Variants in QRICH1 observed in about 807,000 individuals in gnomAD.
The protein encoded by QRICH1 is glutamine rich 1.
In QRICH1, 16 loss-of-function variants were observed where a neutral mutation model predicts 87.1. The ratio of observed to expected loss-of-function variants is 0.18; its 90% CI spans 0.12 to 0.28. The LOEUF (loss-of-function observed/expected upper bound fraction) is 0.28. Among genes scored for constraint, QRICH1 ranks in the 10% least tolerant of loss-of-function variants. The pLI is 1.00. For synonymous variants in QRICH1, 367 were observed against 368.4 expected (o/e 1.00, Z 0.05); for missense variants, 647 against 951.7 (o/e 0.68, Z 4.21).
intron 2 of QRICH1, among the ~76,000 whole-genome samples, chr3:49,063,894 G>C (rs1161348818): frequency 2.0e-5 from 3 of 152,004 alleles, no homozygotes; most frequent in African/African-American, 7.2e-5. Flanking sequence ...ATTAAAACTA[G>C]GAATTTAATT....
At position 49,030,585 on chromosome 3, in the gene QRICH1, G is replaced by A; in HGVS notation, c.2198C>T (p.Ala733Val). 1 of 1,611,806 alleles carries A rather than the reference G, an allele frequency of 6.2e-7. No individual in the cohort carries two copies. Among genetic ancestry groups the A allele is most frequent in the Non-Finnish European group, 8.5e-7 (1 of 1,178,618 alleles). Reference protein sequence around the residue: ...TFYLTPEPVVAPNSPIWYSVQ... With the variant: ...TFYLTPEPVVVPNSPIWYSVQ... ...TGAGTACCAGATTGGGCTGTTGGGGGCCACCACTGGCTCAGGTGTCAGGTA... is the reference window on the plus strand; with the variant it reads ...TGAGTACCAGATTGGGCTGTTGGGGACCACCACTGGCTCAGGTGTCAGGTA... Residue 733 changes from alanine to valine, a missense_variant, in exon 10 of 10, where the codon GCC (alanine) becomes GTC (valine). Around this residue, in one of 7 missense-constraint regions of QRICH1, gnomAD observed 56 missense variants for 79.4 expected, o/e 0.71. Coordinates refer to ENST00000395443, the MANE Select transcript of QRICH1 (RefSeq NM_198880.3).
intron 2 of QRICH1, among the ~76,000 whole-genome samples, chr3:49,068,278 G>A (rs181801131): frequency 2.6e-5 from 4 of 151,918 alleles, no homozygotes; most frequent in Admixed American, 1.3e-4. Flanking sequence ...GATCAATTGC[G>A]CCCAGGAGTT....
chr3:49,064,224 G>A (rs2093452847), intron 2 of QRICH1, among the ~76,000 whole-genome samples: 1 of 147,988 alleles, frequency 6.8e-6, no homozygotes, highest in South Asian at 2.1e-4. Context: ...AGCCACCATG[G>A]CTGGCCCTAA....
At chr3:49,060,334 C>A (rs767772572) in intron 2 of QRICH1, among the ~76,000 whole-genome samples, 121 of 151,904 alleles carry the variant, frequency 8.0e-4, no homozygotes, top group Non-Finnish European at 1.3e-3. Context: ...GCTGGGACCA[C>A]AGGCACCCGC....
chr3:49,081,646 G>A (rs1344771643), intron 1 of QRICH1, among the ~76,000 whole-genome samples: 4 of 152,104 alleles, frequency 2.6e-5, no homozygotes, highest in African/African-American at 2.4e-5. Flanking sequence ...GACTACAGGC[G>A]TGTACCATCA....
At chr3:49,064,056 G>GCCAC (rs2093451592) in intron 2 of QRICH1, among the ~76,000 whole-genome samples, 1 of 151,410 alleles carries the variant, frequency 6.6e-6, no homozygotes, top group East Asian at 1.9e-4. Context: ...ACAGGCATGC[G>GCCAC]CCACCATGCC....
chr3:49,032,686 G>A lies in QRICH1; in HGVS notation c.1983C>T (p.Pro661=), dbSNP rs1183105216. 1 of 1,612,676 alleles carries A rather than the reference G, an allele frequency of 6.2e-7. No individual in the cohort carries two copies. Among genetic ancestry groups the A allele is most frequent in the Non-Finnish European group, 8.5e-7 (1 of 1,179,362 alleles). The change falls in exon 8 of 10, where the codon CCC becomes CCT. Residue 661 remains proline (P), a synonymous_variant. Transcript: ENST00000395443. ...LRQTKKNPSN[P]KDKSTSIRYL... is the part of the protein sequence containing the mutation. ...ACCGGATACTCGTGCTTTTATCCTT[G>A]GGATTAGAGGGGTTCTTCTTTGTCT... is the stretch of plus-strand genomic sequence containing the variant.
chr3:49,043,968 T>C (rs1407443252), intron 6 of QRICH1, among the ~76,000 whole-genome samples: 2 of 152,200 alleles, frequency 1.3e-5, no homozygotes, highest in Non-Finnish European at 2.9e-5. Flanking sequence ...ACCAAGACCA[T>C]GTTTTTTTAA....
intron 1 of QRICH1, among the ~76,000 whole-genome samples, chr3:49,087,351 A>C (rs913112943): frequency 1.3e-5 from 2 of 151,966 alleles, no homozygotes; most frequent in Admixed American, 1.3e-4. Flanking sequence ...AAGGAGTTTG[A>C]GACCAGCCTA....
chr3:49,076,524 T>C (rs1157074671), intron 2 of QRICH1, among the ~76,000 whole-genome samples, 185 bp downstream of exon 2: 1 of 144,490 alleles, frequency 6.9e-6, no homozygotes, highest in Non-Finnish European at 1.5e-5. Flanking sequence ...GGGGTTTGTT[T>C]AAAAAAAAAA....
chr3:49,076,558 G>T, intron 2 of QRICH1, 151 bp downstream of exon 2: 5 of 761,166 alleles, frequency 6.6e-6, no homozygotes, highest in South Asian at 4.3e-5. Flanking sequence ...AAAAGGAGAA[G>T]AAAGAAAAAA....
rs544000957 is a variant in QRICH1, at chr3:49,070,045, T to C, written c.309+6664A>G. The stretch of plus-strand genomic sequence containing the variant: ...ACACGCATTTGTCACCAAATTTTTT[T>C]TTTTTTTTGGAGACAGAGTTTCGCT... On this transcript the variant is annotated intron_variant, in intron 2 of 9. Transcript: ENST00000395443. 4.1e-4 allele frequency among the ~76,000 whole-genome samples: 63 copies of C among 152,176 alleles called. 1 individual carries two copies. Among genetic ancestry groups the C allele is most frequent in the Middle Eastern group, 6.8e-3 (2 of 294 alleles).
At chr3:49,042,782 AG>A (rs1166903235) in intron 6 of QRICH1, among the ~76,000 whole-genome samples, 1 of 152,090 alleles carries the variant, frequency 6.6e-6, no homozygotes, top group African/African-American at 2.4e-5. Context: ...CATGTTAGCC[AG>A]GCTGGTCTTG....
At chr3:49,074,777 G>C (rs1282153962) in intron 2 of QRICH1, among the ~76,000 whole-genome samples, 1 of 151,084 alleles carries the variant, frequency 6.6e-6, no homozygotes, top group African/African-American at 2.4e-5. Context: ...AGGAGATCGA[G>C]ACCATCCTGG....
At chr3:49,080,609 A>G (rs2042039945) in intron 1 of QRICH1, among the ~76,000 whole-genome samples, 2 of 152,106 alleles carry the variant, frequency 1.3e-5, no homozygotes, top group African/African-American at 4.8e-5. Context: ...TCCTCCTAGT[A>G]ACCCTATTTC....
At chr3:49,082,614 A>G (rs867424569) in intron 1 of QRICH1, among the ~76,000 whole-genome samples, 1 of 152,044 alleles carries the variant, frequency 6.6e-6, no homozygotes, top group African/African-American at 2.4e-5. Flanking sequence ...AGAAAAAAAA[A>G]GCCGGGCACG....
rs773940810 is a variant in QRICH1, at chr3:49,056,626, T to C, written c.1338+236A>G. The C allele has an allele frequency of 6.8e-6, 5 of 733,584 alleles. No homozygotes were observed. In the African/African-American group the frequency reaches 7.0e-5, roughly 10 times the overall value. The allele number at this position is 733,584 out of a possible 1,614,324, so 45.4% of individuals were successfully genotyped here. ...CCATGGTACTTAAACCCAAAATGTCTCCAAAACTCCAAAGCAATTCCTGGC... is the reference window on the plus strand; with the variant it reads ...CCATGGTACTTAAACCCAAAATGTCCCCAAAACTCCAAAGCAATTCCTGGC... On this transcript the variant is annotated intron_variant, in intron 3 of 9. Transcript: ENST00000395443.
In QRICH1 at chr3:49,079,046, A is replaced by C. The variant is rs569375173; in HGVS notation, c.-21-2008T>G. ...GCAATCCTTCCACCTCAGCCCAGGC[A>C]ACATGGAGAAACCCCATCTCTACAA... On this transcript the variant is annotated intron_variant, in intron 1 of 9. Transcript: ENST00000395443. 6.6e-5 allele frequency among the ~76,000 whole-genome samples: 10 copies of C among 152,138 alleles called. No individual in the cohort carries two copies. The South Asian group carries it at 2.1e-3, about 32-fold the overall frequency.
At chr3:49,032,934 G>A in intron 7 of QRICH1, 161 bp from the exon 8 acceptor site, 3 of 974,522 alleles carry the variant, frequency 3.1e-6, no homozygotes, top group Non-Finnish European at 2.9e-6. Context: ...ACATCAAGAT[G>A]GATGGTAGGG....
Sources: gnomAD v4.1 joint callset for allele counts (sites outside exome capture counted in the v4.1 genomes callset) on GRCh38, gnomAD v4.1.1 for gene constraint, gnomAD v4.1.1 regional missense constraint, MANE v1.5 for transcripts, NCBI Gene and HGNC (gene_info 2026-07-23, HGNC 2026-07-21) for gene names.